Variants in ZEB1 observed in about 807,000 individuals in gnomAD.
ZEB1 encodes zinc finger E-box binding homeobox 1, also known as zinc finger E-box-binding homeobox 1.
Under a neutral mutation model 84.9 loss-of-function variants are expected in ZEB1, and 21 were observed. The ratio of observed to expected loss-of-function variants is 0.25; its 90% CI spans 0.18 to 0.36. The LOEUF (loss-of-function observed/expected upper bound fraction) is 0.36, where lower values mean the gene tolerates loss of function less well. Ranked by LOEUF, ZEB1 falls within the 10% of genes least tolerant of loss-of-function variation. The pLI is 1.00. For synonymous variants in ZEB1, 420 were observed against 471.1 expected, an observed-to-expected ratio of 0.89 and a Z score of 1.41; for missense variants, 1,104 against 1,330.2, an observed-to-expected ratio of 0.83 and a Z score of 2.65.
Position 31,526,824 on chromosome 10 carries a change from A to G in ZEB1, c.2938A>G (p.Met980Val). 6.2e-7 allele frequency: 1 copy of G among 1,614,184 alleles called. No individual in the cohort carries two copies. Among genetic ancestry groups the G allele is most frequent in the South Asian group, 1.1e-5 (1 of 91,084 alleles). The part of the protein sequence containing the change: ...FSHSGSYSQH[M>V]NHRYSYCKRE... ...ACACTCTGGGTCTTATTCTCAACAC[A>G]TGAATCATCGCTACTCCTACTGTAA... Residue 980 changes from methionine to valine, a missense_variant, in exon 9 of 9, where the codon ATG becomes GTG. Met to Val is a conservative substitution (Grantham distance 21). Around this residue, in one of 7 missense-constraint regions of ZEB1, gnomAD observed 53 missense variants for 92.5 expected, o/e 0.57. Coordinates refer to ENST00000424869, the MANE Select transcript of ZEB1 (RefSeq NM_001174096.2).
intron 2 of ZEB1, among the ~76,000 whole-genome samples, chr10:31,476,916 TAGTA>T (rs775838728): frequency 3.2e-4 from 48 of 152,082 alleles, no homozygotes; most frequent in Non-Finnish European, 5.9e-4. Flanking sequence ...TACCTAAAAA[TAGTA>T]AGAATCATAT....
intron 1 of ZEB1, among the ~76,000 whole-genome samples, chr10:31,392,671 C>G (rs913514438): frequency 6.6e-6 from 1 of 151,372 alleles, no homozygotes; most frequent in Non-Finnish European, 1.5e-5. Context: ...TGCATTTATA[C>G]CATAAACTGA....
At chr10:31,511,655 G>A (rs220063) in intron 5 of ZEB1, among the ~76,000 whole-genome samples, 115,043 of 152,100 alleles carry the variant, frequency 0.76, 49,299 homozygotes, top group Non-Finnish European at 0.95. Flanking sequence ...CACAGGGTTT[G>A]TGAGGGTACA....
intron 2 of ZEB1, among the ~76,000 whole-genome samples, chr10:31,476,449 A>AAT (rs2064201596): frequency 6.6e-6 from 1 of 151,800 alleles, no homozygotes; most frequent in Non-Finnish European, 1.5e-5. Context: ...ATGAGTAAGG[A>AAT]AATTGAATCA....
intron 2 of ZEB1, among the ~76,000 whole-genome samples, chr10:31,473,285 G>A (rs1279035200): frequency 4.9e-4 from 73 of 148,966 alleles, no homozygotes; most frequent in South Asian, 1.9e-3. Flanking sequence ...GTTTGCAGAC[G>A]ACATGATTGT....
At chr10:31,359,885 T>G (rs1291102407) in intron 1 of ZEB1, among the ~76,000 whole-genome samples, 1 of 152,138 alleles carries the variant, frequency 6.6e-6, no homozygotes, top group Non-Finnish European at 1.5e-5. Context: ...CTTAAGACAG[T>G]GTATTCAGGA....
At chr10:31,363,751 G>T in intron 1 of ZEB1, 3 of 1,226,802 alleles carry the variant, frequency 2.4e-6, no homozygotes, top group East Asian at 2.6e-5. Flanking sequence ...CTTCCTTGAG[G>T]GGGGGCTCCA....
chr10:31,444,188 T>C (rs1401724006), intron 1 of ZEB1, among the ~76,000 whole-genome samples: 1 of 144,998 alleles, frequency 6.9e-6, no homozygotes, highest in East Asian at 2.0e-4. Flanking sequence ...TTTTCATGTG[T>C]TTTTTGGCTG....
intron 2 of ZEB1, among the ~76,000 whole-genome samples, chr10:31,470,772 A>G (rs1435142815): frequency 1.5e-5 from 2 of 137,752 alleles, no homozygotes; most frequent in Non-Finnish European, 1.6e-5. Flanking sequence ...CAGATTCACC[A>G]AAGTTGAAAT....
At chr10:31,436,128 C>T (rs899563822) in intron 1 of ZEB1, among the ~76,000 whole-genome samples, 6 of 152,072 alleles carry the variant, frequency 3.9e-5, no homozygotes, top group Admixed American at 3.3e-4. Context: ...GTCGGGAGAC[C>T]CTTATTCGCC....
intron 1 of ZEB1, among the ~76,000 whole-genome samples, chr10:31,334,159 A>G (rs1174245607): frequency 1.3e-5 from 2 of 152,102 alleles, no homozygotes; most frequent in African/African-American, 2.4e-5. Flanking sequence ...GATGATTTTA[A>G]TAACAGGACT....
chr10:31,363,609 C>T (rs755173790), intron 1 of ZEB1: 24 of 1,516,236 alleles, frequency 1.6e-5, no homozygotes, highest in Middle Eastern at 1.7e-4. Flanking sequence ...CCTCCGTCTT[C>T]GGGAGCCTGG....
intron 1 of ZEB1, among the ~76,000 whole-genome samples, chr10:31,338,382 G>T (rs1254775848): frequency 6.6e-6 from 1 of 152,144 alleles, no homozygotes; most frequent in East Asian, 1.9e-4. Context: ...GGAAACTGAG[G>T]CACGGAAAGT....
At chr10:31,338,726 AATAG>A (rs1425210733) in intron 1 of ZEB1, among the ~76,000 whole-genome samples, 5 of 152,202 alleles carry the variant, frequency 3.3e-5, no homozygotes, top group Admixed American at 6.5e-5. Flanking sequence ...AGATGAGAAA[AATAG>A]ATAGGCAAAA....
chr10:31,328,252 T>C (rs1354668151), intron 1 of ZEB1, among the ~76,000 whole-genome samples: 1 of 152,188 alleles, frequency 6.6e-6, no homozygotes, highest in Non-Finnish European at 1.5e-5. Context: ...GGAACAAGTA[T>C]AGCAGTTAAG....
At chr10:31,452,730 TGTGTGTGTGTGTGAGAGAGAGA>T (rs781509438) in intron 1 of ZEB1, among the ~76,000 whole-genome samples, 6,074 of 123,062 alleles carry the variant, frequency 0.049, 119 homozygotes, top group African/African-American at 0.078. Context: ...TGTGTGTGTG[TGTGTGTGTGTGTGAGAGAGAGA>T]GAGAGAGAGA....
intron 1 of ZEB1, among the ~76,000 whole-genome samples, chr10:31,338,714 T>C: frequency 6.6e-6 from 1 of 152,104 alleles, no homozygotes; most frequent in East Asian, 1.9e-4. Flanking sequence ...CGTACGTTCA[T>C]GAGATGAGAA....
At position 31,387,561 on chromosome 10, in the gene ZEB1, C is replaced by A. The variant is rs190328140; in HGVS notation, c.58+68269C>A. Among the ~76,000 whole-genome samples, 12 of 152,164 alleles carry A rather than the reference C, an allele frequency of 7.9e-5. No homozygotes were observed. In the East Asian group the frequency reaches 2.1e-3, roughly 27 times the overall value. ...TCAGTTAATAACTGCTGGAGTTAAT[C>A]AAAAATTTTTCTTGTATGTCTTGAG... On this transcript the variant is annotated intron_variant, in intron 1 of 8. Coordinates refer to ENST00000424869, the MANE Select transcript of ZEB1 (RefSeq NM_001174096.2).
At chr10:31,447,094 G>C (rs928523384) in intron 1 of ZEB1, among the ~76,000 whole-genome samples, 9 of 149,066 alleles carry the variant, frequency 6.0e-5, no homozygotes, top group East Asian at 2.0e-4. Context: ...GAATCTGGGT[G>C]CTCCTGTATT....
Sources: allele counts gnomAD v4.1 joint callset (sites outside exome capture counted in the v4.1 genomes callset), GRCh38; gene constraint gnomAD v4.1.1; regional missense constraint gnomAD v4.1.1; transcripts MANE v1.5; gene names NCBI Gene and HGNC (gene_info 2026-07-23, HGNC 2026-07-21).